ME3: variants seen among roughly 807,000 people sequenced by gnomAD.
ME3 encodes the protein malic enzyme 3, also known as NADP-dependent malic enzyme, mitochondrial.
A neutral mutation model predicts 68.9 loss-of-function variants in ME3; 48 were observed. The observed-to-expected ratio is 0.70, with a 90% CI of 0.55 to 0.89. The LOEUF (loss-of-function observed/expected upper bound fraction) is 0.89. Ranked by LOEUF, ME3 falls within the 40% of genes least tolerant of loss-of-function variation. The pLI is 0.00. For missense variants in ME3, 675 were observed against 797.4 expected, an observed-to-expected ratio of 0.85 and a Z score of 1.85; for synonymous variants, 320 against 318.8, an observed-to-expected ratio of 1.00 and a Z score of -0.04.
downstream of ME3, among the ~76,000 whole-genome samples, chr11:86,440,783 C>G (rs1305651096): frequency 6.6e-6 from 1 of 152,218 alleles, no homozygotes; most frequent in Non-Finnish European, 1.5e-5. Flanking sequence ...CTCCCCATGA[C>G]TCCCACCCAT....
intron 6 of ME3, among the ~76,000 whole-genome samples, chr11:86,488,909 G>T (rs1346624654): frequency 3.3e-5 from 5 of 152,124 alleles, no homozygotes; most frequent in South Asian, 2.1e-4. Context: ...ATTCCCTTTG[G>T]GGGGCAGATT....
chr11:86,667,195 G>A (rs1461063690), intron 2 of ME3, among the ~76,000 whole-genome samples: 1 of 152,156 alleles, frequency 6.6e-6, no homozygotes, highest in Non-Finnish European at 1.5e-5. Flanking sequence ...ACAGTGACTT[G>A]ACTAAGCACA....
intron 4 of ME3, among the ~76,000 whole-genome samples, chr11:86,511,793 G>A (rs1466738791): frequency 4.6e-5 from 7 of 152,112 alleles, no homozygotes; most frequent in African/African-American, 1.2e-4. Context: ...AGTTGCTCCT[G>A]TAGATAACAT....
intron 4 of ME3, among the ~76,000 whole-genome samples, chr11:86,524,748 A>G (rs953152821): frequency 2.6e-5 from 4 of 152,184 alleles, no homozygotes; most frequent in African/African-American, 9.7e-5. Flanking sequence ...TCACTGGGAA[A>G]ACATATGCTT....
chr11:86,500,377 C>T (rs968188891), intron 5 of ME3, among the ~76,000 whole-genome samples: 1 of 152,254 alleles, frequency 6.6e-6, no homozygotes, highest in Admixed American at 6.5e-5. Flanking sequence ...CACTCTACTG[C>T]ATGCCCAGCT....
rs1944898033 is a variant in ME3, at chr11:86,644,861, T to C, written c.183+26901A>G. On this transcript the variant is annotated intron_variant, in intron 2 of 14. Transcript: ENST00000543262. The stretch of plus-strand genomic sequence containing the variant: ...TTTCTGCATTTCCAGCTGAGGTACC[T>C]GGCTCATCTCACTGGGACTGGTTAG... Among the ~76,000 whole-genome samples the C allele has an allele frequency of 2.0e-5, 3 of 152,312 alleles. No individual in the cohort carries two copies. The South Asian group carries it at 6.2e-4, about 32-fold the overall frequency.
intron 2 of ME3, among the ~76,000 whole-genome samples, chr11:86,603,823 T>C (rs898265034): frequency 6.6e-6 from 1 of 151,404 alleles, no homozygotes; most frequent in African/African-American, 2.4e-5. Flanking sequence ...GAAATCATCA[T>C]TCTCAGTAAA....
At chr11:86,460,320 C>T (rs1291288429) in intron 8 of ME3, among the ~76,000 whole-genome samples, 1 of 152,216 alleles carries the variant, frequency 6.6e-6, no homozygotes, top group Non-Finnish European at 1.5e-5. Context: ...CCTTCAAGTG[C>T]TCGGGCTTCA....
intron 2 of ME3, among the ~76,000 whole-genome samples, chr11:86,648,686 C>T (rs946279441): frequency 1.3e-5 from 2 of 152,134 alleles, no homozygotes; most frequent in African/African-American, 2.4e-5. Flanking sequence ...AAACTACCAT[C>T]AGAGAATACT....
intron 4 of ME3, among the ~76,000 whole-genome samples, chr11:86,537,352 TATA>T (rs1428435114): frequency 6.6e-6 from 1 of 151,402 alleles, no homozygotes; most frequent in African/African-American, 2.4e-5. Flanking sequence ...ATGCATTAAA[TATA>T]ATAATTGCAA....
At chr11:86,650,001 A>G (rs950760510) in intron 2 of ME3, among the ~76,000 whole-genome samples, 2 of 152,200 alleles carry the variant, frequency 1.3e-5, no homozygotes, top group African/African-American at 4.8e-5. Context: ...TATAGCCAAG[A>G]CAATCCTAAG....
At chr11:86,666,001 CAGAT>C (rs971768436) in intron 2 of ME3, among the ~76,000 whole-genome samples, 2 of 152,114 alleles carry the variant, frequency 1.3e-5, no homozygotes, top group Non-Finnish European at 2.9e-5. Flanking sequence ...TATAGAGAAA[CAGAT>C]AAATTTTTAA....
At chr11:86,631,921 G>T (rs1944044403) in intron 2 of ME3, among the ~76,000 whole-genome samples, 1 of 152,084 alleles carries the variant, frequency 6.6e-6, no homozygotes, top group Admixed American at 6.5e-5. Context: ...TTAGGAGAGA[G>T]AGGGTTTCAT....
intron 2 of ME3, among the ~76,000 whole-genome samples, chr11:86,666,780 G>C (rs182057975): frequency 1.3e-4 from 20 of 152,262 alleles, no homozygotes; most frequent in Non-Finnish European, 5.9e-5. Context: ...CAGAGATCTC[G>C]AGAAGATATA....
rs1163439401 is a variant in ME3 at position 86,448,063 on chromosome 11, T to A, written c.1237+87A>T. ...GAAAGAGCTGTTTCCATGGGTTACT[T>A]AGGCTTCCTAGCTGAGCCTCTGTCT... is the stretch of plus-strand genomic sequence containing the variant. On this transcript the variant is annotated intron_variant, in intron 11 of 14. Transcript: ENST00000543262. 3 of 915,174 alleles carry A rather than the reference T, an allele frequency of 3.3e-6. No homozygotes were observed. In the African/African-American group the frequency reaches 4.9e-5, roughly 15 times the overall value. 56.7% of individuals were successfully genotyped at this position (915,174 alleles called of 1,614,324 possible).
intron 14 of ME3, 48 bp downstream of exon 14, chr11:86,442,773 A>G: frequency 6.8e-7 from 1 of 1,466,636 alleles, no homozygotes. Flanking sequence ...AGACAGAGAA[A>G]GTGGTTGAGC....
At chr11:86,569,287 C>T (rs1408791955) in intron 2 of ME3, among the ~76,000 whole-genome samples, 5 of 152,166 alleles carry the variant, frequency 3.3e-5, no homozygotes, top group South Asian at 2.1e-4. Flanking sequence ...TCAGGCACCA[C>T]GCCGGCCTTT....
intron 2 of ME3, among the ~76,000 whole-genome samples, chr11:86,647,321 A>G (rs56095595): frequency 0.059 from 8,983 of 151,982 alleles, 361 homozygotes; most frequent in East Asian, 0.1. Flanking sequence ...CATCTCTACT[A>G]AAAAATACAA....
chr11:86,572,868 A>G (rs1403565904), intron 2 of ME3, among the ~76,000 whole-genome samples: 1 of 152,176 alleles, frequency 6.6e-6, no homozygotes, highest in East Asian at 1.9e-4. Context: ...GTCTTCCACA[A>G]TGGTTGAACT....
Sources: allele counts gnomAD v4.1 joint callset (sites outside exome capture counted in the v4.1 genomes callset), GRCh38; gene constraint gnomAD v4.1.1; transcripts MANE v1.5; gene names NCBI Gene and HGNC (gene_info 2026-07-23, HGNC 2026-07-21).